Variants in PDE4B observed in about 807,000 individuals in gnomAD.
The protein encoded by PDE4B is phosphodiesterase 4B.
A neutral mutation model predicts 82.2 loss-of-function variants in PDE4B; 20 were observed. That is an observed-to-expected ratio of 0.24 (90% CI 0.17 to 0.35). PDE4B has a LOEUF of 0.35. Ranked by LOEUF, PDE4B falls within the 10% of genes least tolerant of loss-of-function variation. PDE4B has a pLI of 1.00. For synonymous variants in PDE4B, 320 were observed against 318.9 expected (o/e 1.00, Z -0.04); for missense variants, 655 against 907.2 (o/e 0.72, Z 3.57).
intron 3 of PDE4B, among the ~76,000 whole-genome samples, chr1:66,121,479 G>T (rs1012034652): frequency 2.6e-5 from 4 of 152,122 alleles, no homozygotes; most frequent in Non-Finnish European, 4.4e-5. Flanking sequence ...GGTGTAAGGA[G>T]TTTAGACAGC....
rs543296638 is a variant in PDE4B, at chr1:66,105,984, G to C, written c.282-141476G>C. Among the ~76,000 whole-genome samples the C allele has an allele frequency of 8.6e-3, 1,304 of 152,210 alleles. 14 individuals carry two copies. Among genetic ancestry groups the C allele is most frequent in the African/African-American group, 0.03 (1,245 of 41,514 alleles). On this transcript the variant is annotated intron_variant, in intron 3 of 16. Coordinates refer to ENST00000341517, the MANE Select transcript of PDE4B (RefSeq NM_002600.4). ...AGCACTTCCAACACTATGTTGAATA[G>C]GAGTGGTGAGAGAGGGCATCCCTGT...
intron 6 of PDE4B, among the ~76,000 whole-genome samples, chr1:66,261,047 C>A (rs755856079): frequency 6.6e-6 from 1 of 152,130 alleles, no homozygotes; most frequent in Non-Finnish European, 1.5e-5. Context: ...AACAAAAATT[C>A]AAGAGAGGGC....
intron 1 of PDE4B, among the ~76,000 whole-genome samples, chr1:65,841,381 A>AAAGGAAGGAAGGAAGGAAGG (rs71590332): frequency 9.3e-5 from 14 of 150,344 alleles, no homozygotes; most frequent in South Asian, 4.2e-4. Context: ...AAAGGAAAGG[A>AAAGGAAGGAAGGAAGGAAGG]AAGGAAGGAA....
Position 65,913,349 on chromosome 1 carries a change from C to A in PDE4B, c.35C>A (p.Ala12Asp). Reference sequence around the variant, plus strand: ...AGCAGGAGTGTGATGACGGTGATGGCTGATGATGTAAGTTTCAAAAGGTCC... The same window carrying A: ...AGCAGGAGTGTGATGACGGTGATGGATGATGATGTAAGTTTCAAAAGGTCC... Reference protein sequence around the residue: ...KKSRSVMTVMADDNVKDYFEC... With the variant: ...KKSRSVMTVMDDDNVKDYFEC... The change falls in exon 2 of 17, where the codon GCT (alanine) becomes GAT (aspartate). Residue 12 changes from alanine to aspartate, a missense_variant. Around this residue, in one of 3 missense-constraint regions of PDE4B, gnomAD observed 253 missense variants for 275.6 expected, o/e 0.92. Coordinates refer to ENST00000341517, the MANE Select transcript of PDE4B (RefSeq NM_002600.4). 1 of 1,613,452 alleles carries A rather than the reference C, an allele frequency of 6.2e-7. No individual in the cohort carries two copies. The highest frequency in any genetic ancestry group is 8.5e-7 in the Non-Finnish European group (1 of 1,179,502).
chr1:66,153,176 GC>G (rs914198798), intron 3 of PDE4B, among the ~76,000 whole-genome samples: 22 of 152,218 alleles, frequency 1.4e-4, no homozygotes, highest in African/African-American at 5.1e-4. Context: ...CTCTGAAGAA[GC>G]CCTGCAGTTC....
chr1:66,060,564 T>G (rs1433564108), intron 3 of PDE4B, among the ~76,000 whole-genome samples: 1 of 152,232 alleles, frequency 6.6e-6, no homozygotes, highest in African/African-American at 2.4e-5. Flanking sequence ...AAATATATCA[T>G]AACACACTTT....
chr1:65,996,515 A>G (rs550833904), intron 3 of PDE4B, among the ~76,000 whole-genome samples: 182 of 152,224 alleles, frequency 1.2e-3, no homozygotes, highest in Admixed American at 1.9e-3. Context: ...TTCAACCCAC[A>G]TGTATTCCAA....
chr1:66,328,993 C>T (rs1251468823), intron 7 of PDE4B, among the ~76,000 whole-genome samples: 1 of 152,200 alleles, frequency 6.6e-6, no homozygotes, highest in Non-Finnish European at 1.5e-5. Flanking sequence ...TGGATAGGGG[C>T]TTGGGGACCA....
At chr1:66,040,827 A>G (rs1654327350) in intron 3 of PDE4B, among the ~76,000 whole-genome samples, 1 of 151,936 alleles carries the variant, frequency 6.6e-6, no homozygotes, top group African/African-American at 2.4e-5. Flanking sequence ...GGCCATTTGG[A>G]AAGTCAACCC....
intron 3 of PDE4B, among the ~76,000 whole-genome samples, chr1:66,190,072 C>T (rs577258298): frequency 5.3e-4 from 80 of 152,252 alleles, no homozygotes; most frequent in Non-Finnish European, 1.0e-3. Flanking sequence ...CTCAGCTGCA[C>T]GTCTGTTGGA....
At chr1:66,020,278 T>C (rs1377046482) in intron 3 of PDE4B, among the ~76,000 whole-genome samples, 3 of 152,116 alleles carry the variant, frequency 2.0e-5, no homozygotes, top group Non-Finnish European at 4.4e-5. Context: ...GAAGGTAGGA[T>C]TCCTGGTATA....
intron 3 of PDE4B, among the ~76,000 whole-genome samples, chr1:66,246,947 T>G (rs1488144123): frequency 6.6e-6 from 1 of 152,258 alleles, no homozygotes; most frequent in African/African-American, 2.4e-5. Context: ...GATAACACTT[T>G]GTTCCTGAAA....
At chr1:66,051,087 A>G (rs150498503) in intron 3 of PDE4B, among the ~76,000 whole-genome samples, 1 of 152,158 alleles carries the variant, frequency 6.6e-6, no homozygotes, top group Non-Finnish European at 1.5e-5. Context: ...CTTCTAAAGT[A>G]TAAGTATGTT....
intron 1 of PDE4B, among the ~76,000 whole-genome samples, chr1:65,886,427 G>A (rs2100363554): frequency 6.6e-6 from 1 of 152,198 alleles, no homozygotes; most frequent in South Asian, 2.1e-4. Context: ...ATACAATACA[G>A]TGTTGTTAAC....
At chr1:66,089,683 A>C (rs758101615) in intron 3 of PDE4B, among the ~76,000 whole-genome samples, 4 of 152,024 alleles carry the variant, frequency 2.6e-5, no homozygotes, top group Non-Finnish European at 5.9e-5. Context: ...CTTCTTAAAC[A>C]TTTGTAAACT....
At chr1:66,338,768 C>T (rs1269378734) in intron 8 of PDE4B, among the ~76,000 whole-genome samples, 2 of 152,148 alleles carry the variant, frequency 1.3e-5, no homozygotes, top group Non-Finnish European at 2.9e-5. Flanking sequence ...CCTGTAATCC[C>T]AGCACTTTGG....
At chr1:66,100,936 C>T (rs1330018851) in intron 3 of PDE4B, among the ~76,000 whole-genome samples, 1 of 152,096 alleles carries the variant, frequency 6.6e-6, no homozygotes, top group Non-Finnish European at 1.5e-5. Context: ...TACCCATTAA[C>T]TCGTCATTTA....
chr1:66,041,291 A>G (rs193287253), intron 3 of PDE4B, among the ~76,000 whole-genome samples: 1 of 152,090 alleles, frequency 6.6e-6, no homozygotes, highest in East Asian at 1.9e-4. Flanking sequence ...CCAGTACTCA[A>G]AGATGTGCAA....
intron 3 of PDE4B, among the ~76,000 whole-genome samples, chr1:66,139,506 G>T (rs112254828): frequency 0.021 from 3,152 of 152,192 alleles, 47 homozygotes; most frequent in Middle Eastern, 0.031. Context: ...AGAGCTCATG[G>T]GATTAGATTG....
Sources: allele counts gnomAD v4.1 joint callset (sites outside exome capture counted in the v4.1 genomes callset), GRCh38; gene constraint gnomAD v4.1.1; regional missense constraint gnomAD v4.1.1; transcripts MANE v1.5; gene names NCBI Gene and HGNC (gene_info 2026-07-23, HGNC 2026-07-21).